CADPS2: variants seen among roughly 807,000 people sequenced by gnomAD.
CADPS2 encodes the protein calcium dependent secretion activator 2.
A neutral mutation model predicts 172.5 loss-of-function variants in CADPS2; 93 were observed. The ratio of observed to expected loss-of-function variants is 0.54; its 90% confidence interval spans 0.46 to 0.64. CADPS2 has a LOEUF of 0.64. Ranked by LOEUF, CADPS2 falls within the 30% of genes least tolerant of loss-of-function variation. CADPS2 has a pLI of 0.00. For synonymous variants in CADPS2, 546 were observed against 555.2 expected (o/e 0.98, Z 0.23); for missense variants, 1,420 against 1,565.9 (o/e 0.91, Z 1.57).
chr7:122,725,392 T>C (rs1230031747), intron 2 of CADPS2, among the ~76,000 whole-genome samples: 2 of 151,784 alleles, frequency 1.3e-5, no homozygotes, highest in African/African-American at 2.4e-5. Context: ...TATATGTGGA[T>C]GGATGGATGG....
At chr7:122,823,693 G>C (rs1382419816) in intron 1 of CADPS2, among the ~76,000 whole-genome samples, 1 of 152,162 alleles carries the variant, frequency 6.6e-6, no homozygotes. Flanking sequence ...TATTTTCATT[G>C]CAAGTAACAG....
rs190540618 is a variant in CADPS2 at position 122,657,468 on chromosome 7, T to C, written c.786+5769A>G. ...TGGAATGTTCTTCCATTTGTTTGTG[T>C]CCTCTTTTTATTTCGTTGAGCAGTG... is the stretch of plus-strand genomic sequence containing the variant. On this transcript the variant is annotated intron_variant, in intron 3 of 29. Coordinates refer to ENST00000449022, the MANE Select transcript of CADPS2 (RefSeq NM_017954.11). 3.0e-3 allele frequency among the ~76,000 whole-genome samples: 458 copies of C among 152,310 alleles called. 3 individuals carry two copies. The highest frequency in any genetic ancestry group is 7.8e-3 in the African/African-American group (324 of 41,564).
intron 1 of CADPS2, among the ~76,000 whole-genome samples, chr7:122,813,542 C>T (rs1277936817): frequency 6.6e-6 from 1 of 152,084 alleles, no homozygotes; most frequent in Non-Finnish European, 1.5e-5. Context: ...TAAATTACCT[C>T]ACTTTTTTAT....
At chr7:122,694,518 T>G (rs572456758) in intron 2 of CADPS2, among the ~76,000 whole-genome samples, 1 of 151,940 alleles carries the variant, frequency 6.6e-6, no homozygotes, top group African/African-American at 2.4e-5. Context: ...AACTTGGAGG[T>G]CTGATAAAGA....
intron 17 of CADPS2, among the ~76,000 whole-genome samples, chr7:122,423,733 C>G (rs1045978536): frequency 6.6e-6 from 1 of 152,168 alleles, no homozygotes; most frequent in Non-Finnish European, 1.5e-5. Flanking sequence ...TCAGAATCAC[C>G]TGGAGGACTT....
intron 28 of CADPS2, among the ~76,000 whole-genome samples, chr7:122,333,797 T>A (rs1481830553): frequency 5.3e-5 from 8 of 152,144 alleles, no homozygotes; most frequent in Non-Finnish European, 8.8e-5. Flanking sequence ...CTTGTATTGC[T>A]ATCTCCAGCC....
At chr7:122,766,334 A>C (rs1443906641) in intron 1 of CADPS2, among the ~76,000 whole-genome samples, 1 of 152,182 alleles carries the variant, frequency 6.6e-6, no homozygotes, top group Admixed American at 6.6e-5. Context: ...TACACACAAT[A>C]GGTAGAAGGT....
At chr7:122,577,811 A>G (rs998286901) in intron 7 of CADPS2, among the ~76,000 whole-genome samples, 36 of 152,088 alleles carry the variant, frequency 2.4e-4, no homozygotes, top group South Asian at 1.0e-3. Context: ...CATTCTCACA[A>G]GCACTGTCAG....
At chr7:122,679,265 T>TGTGGGG (rs71161322) in intron 2 of CADPS2, among the ~76,000 whole-genome samples, 609 of 39,120 alleles carry the variant, frequency 0.016, 120 homozygotes, top group Admixed American at 0.026. Flanking sequence ...AATGCATTCC[T>TGTGGGG]GGGGGGGGGG....
chr7:122,416,850 T>C (rs1398466888), intron 17 of CADPS2, among the ~76,000 whole-genome samples: 3 of 152,196 alleles, frequency 2.0e-5, no homozygotes, highest in Non-Finnish European at 4.4e-5. Context: ...CCTGAAATTC[T>C]GCTACAGAGA....
intron 3 of CADPS2, among the ~76,000 whole-genome samples, chr7:122,655,170 G>C (rs771022020): frequency 6.6e-6 from 1 of 152,146 alleles, no homozygotes; most frequent in Non-Finnish European, 1.5e-5. Context: ...AAGATGCTGT[G>C]AACACTGTTG....
chr7:122,621,545 T>C lies in CADPS2; in HGVS notation c.1040A>G (p.Asp347Gly). 1 of 1,613,890 alleles carries C rather than the reference T, an allele frequency of 6.2e-7. No homozygotes were observed. Among genetic ancestry groups the C allele is most frequent in the Non-Finnish European group, 8.5e-7 (1 of 1,179,824 alleles). Residue 347 changes from aspartate (D) to glycine (G), a missense_variant, in exon 5 of 30, where the codon GAC (aspartate) becomes GGC (glycine). Transcript: ENST00000449022. ...CTGAATCTCATTCTCATCTCCTATG[T>C]CCAAAAATGCAGAGTTCTGTGAACG... ...LKRSQNSAFL[D>G]IGDENEIQLS...
At chr7:122,342,689 G>T (rs2036968414) in intron 28 of CADPS2, among the ~76,000 whole-genome samples, 1 of 152,058 alleles carries the variant, frequency 6.6e-6, no homozygotes. Context: ...TGTAGCCCTT[G>T]TTTTCTAATC....
At chr7:122,387,004 C>T in intron 24 of CADPS2, 22 bp downstream of exon 24, 6 of 1,551,018 alleles carry the variant, frequency 3.9e-6, no homozygotes, top group Non-Finnish European at 5.2e-6. Context: ...CTGCCTTTCC[C>T]CATGTGGCAC....
intron 15 of CADPS2, among the ~76,000 whole-genome samples, chr7:122,444,638 T>A (rs978596464): frequency 1.4e-4 from 21 of 152,144 alleles, no homozygotes; most frequent in Non-Finnish European, 2.5e-4. Flanking sequence ...AAAACAATTT[T>A]TTAAATTGGG....
At chr7:122,837,049 G>A (rs1808701151) in intron 1 of CADPS2, among the ~76,000 whole-genome samples, 1 of 152,182 alleles carries the variant, frequency 6.6e-6, no homozygotes, top group Non-Finnish European at 1.5e-5. Context: ...CTCAGCAAAT[G>A]TAAAAGAACA....
intron 22 of CADPS2, 40 bp from the exon 23 acceptor site, chr7:122,388,778 T>A: frequency 6.4e-7 from 1 of 1,554,938 alleles, no homozygotes; most frequent in East Asian, 2.3e-5. Context: ...GAACTCCCCG[T>A]TAATTAGGTA....
At chr7:122,825,795 C>A (rs1418654219) in intron 1 of CADPS2, among the ~76,000 whole-genome samples, 1 of 152,064 alleles carries the variant, frequency 6.6e-6, no homozygotes, top group Non-Finnish European at 1.5e-5. Flanking sequence ...TGCAATACTA[C>A]AGTATAATAT....
intron 1 of CADPS2, chr7:122,849,858 G>A (rs1304982848): frequency 6.9e-6 from 4 of 579,258 alleles, no homozygotes; most frequent in Non-Finnish European, 1.3e-5. Context: ...TTTCCTTCTG[G>A]GCAGATCTCA....
Sources: gnomAD v4.1 joint callset for allele counts (sites outside exome capture counted in the v4.1 genomes callset) on GRCh38, gnomAD v4.1.1 for gene constraint, MANE v1.5 for transcripts, NCBI Gene and HGNC (gene_info 2026-07-23, HGNC 2026-07-21) for gene names.